PCDHB11: variants seen among roughly 807,000 people sequenced by gnomAD.
The protein encoded by PCDHB11 is protocadherin beta 11, also known as protocadherin beta-11.
For synonymous variants in PCDHB11, 522 were observed against 442.0 expected (o/e 1.18, Z -2.27); for missense variants, 1,151 against 1,003.4 (o/e 1.15, Z -1.99).
chr5:141,202,131 A>C lies in PCDHB11; in HGVS notation c.2357A>C (p.Asn786Thr). The C allele has an allele frequency of 6.2e-7, 1 of 1,607,770 alleles. No individual in the cohort carries two copies. The highest frequency in any genetic ancestry group is 1.3e-5 in the African/African-American group (1 of 74,266). ...GGTCTTGGGAAGAATAGTGAAGAAAACTCCACCTTTCGAAATAGCTTTGGA... is the reference window on the plus strand; with the variant it reads ...GGTCTTGGGAAGAATAGTGAAGAAACCTCCACCTTTCGAAATAGCTTTGGA... ...AKGLGKNSEE[N>T]STFRNSFGFN... Residue 786 changes from asparagine to threonine, a missense_variant, in exon 1 of 1, where the codon AAC becomes ACC. Asn to Thr is a moderately conservative substitution (Grantham distance 65). Coordinates refer to ENST00000354757, the MANE Select transcript of PCDHB11 (RefSeq NM_018931.3).
In PCDHB11 at chr5:141,201,120, C is replaced by G. The variant is rs782305634; in HGVS notation, c.1346C>G (p.Pro449Arg). Residue 449 changes from proline to arginine, a missense_variant, in exon 1 of 1, where the codon CCC becomes CGC. Transcript: ENST00000354757. The stretch of plus-strand genomic sequence containing the variant: ...GTCTCTGACGTCAATGACAACGCCC[C>G]CACCTTCACCCAAACCTCCTACACC... The part of the protein sequence containing the change: ...VLVSDVNDNA[P>R]TFTQTSYTLF... 1.0e-4 allele frequency: 165 copies of G among 1,613,946 alleles called. No homozygotes were observed. The highest frequency in any genetic ancestry group is 1.2e-4 in the Non-Finnish European group (146 of 1,180,056).
rs782541755 is a variant in PCDHB11 at position 141,201,419 on chromosome 5, G to T, written c.1645G>T (p.Val549Leu). 1.9e-5 allele frequency: 30 copies of T among 1,611,544 alleles called. No individual in the cohort carries two copies. In the East Asian group the frequency reaches 5.6e-4, roughly 30 times the overall value. The change falls in exon 1 of 1, where the codon GTG (valine) becomes TTG (leucine). Residue 549 changes from valine to leucine, a missense_variant. Transcript: ENST00000354757. The stretch of plus-strand genomic sequence containing the variant: ...TTTGAGCAGCGAGGCGCTGGTGCGC[G>T]TGCTGGTGCTGGACGCCAACGACAA... ...PALSSEALVR[V>L]LVLDANDNSP...
At position 141,202,695 on chromosome 5, in the gene PCDHB11, C is replaced by G. The variant is rs1754235356; in HGVS notation, c.*527C>G. ...TGGCAGGATCTCAGCTCACTGCAAC[C>G]TCTGCCTCCTGGGCTCAAGAGACCA... On this transcript the variant is annotated 3_prime_UTR_variant, in exon 1 of 1. Coordinates refer to ENST00000354757, the MANE Select transcript of PCDHB11 (RefSeq NM_018931.3). 1 of 152,204 alleles carries G rather than the reference C, an allele frequency of 6.6e-6. No homozygotes were observed. Among genetic ancestry groups the G allele is most frequent in the South Asian group, 2.1e-4 (1 of 4,828 alleles). 9.4% of individuals were successfully genotyped at this position (152,204 alleles called of 1,614,324 possible).
Position 141,201,257 on chromosome 5 carries a change from G to A in PCDHB11, c.1483G>A (p.Asp495Asn). Reference sequence around the variant, plus strand: ...CAACTACTCGCTACTCCCGCCCCAGGACCTGCACCTGCCCCTCGCCTCCCT... The same window carrying A: ...CAACTACTCGCTACTCCCGCCCCAGAACCTGCACCTGCCCCTCGCCTCCCT... The part of the protein sequence containing the change: ...QVNYSLLPPQ[D>N]LHLPLASLVS... The change falls in exon 1 of 1, where the codon GAC (aspartate) becomes AAC (asparagine). Residue 495 changes from aspartate (D) to asparagine (N), a missense_variant. By Grantham distance (23) the Asp-to-Asn change is conservative (BLOSUM62 1). Coordinates refer to ENST00000354757, the MANE Select transcript of PCDHB11 (RefSeq NM_018931.3). 1 of 1,613,384 alleles carries A rather than the reference G, an allele frequency of 6.2e-7. No individual in the cohort carries two copies.
rs782785451 is a variant in PCDHB11 at position 141,200,215 on chromosome 5, C to G, written c.441C>G (p.Pro147=). The G allele has an allele frequency of 1.2e-6, 2 of 1,614,050 alleles. No homozygotes were observed. The highest frequency in any genetic ancestry group is 2.7e-5 in the African/African-American group (2 of 74,918). ...TCCTAGAAATCCCAGAGAACAGTCCCGTTGGTGCTGTGTTCTTACTAGAAA... is the reference window on the plus strand; with the variant it reads ...TCCTAGAAATCCCAGAGAACAGTCCGGTTGGTGCTGTGTTCTTACTAGAAA... ...QMLLEIPENS[P]VGAVFLLESA... Residue 147 remains proline (P), a synonymous_variant, in exon 1 of 1, where the codon CCC becomes CCG. Coordinates refer to ENST00000354757, the MANE Select transcript of PCDHB11 (RefSeq NM_018931.3).
chr5:141,199,878 T>C lies in PCDHB11; in HGVS notation c.104T>C (p.Val35Ala), dbSNP rs1400355531. The C allele has an allele frequency of 1.2e-6, 2 of 1,614,010 alleles. No homozygotes were observed. Among genetic ancestry groups the C allele is most frequent in the Non-Finnish European group, 1.7e-6 (2 of 1,180,034 alleles). The change falls in exon 1 of 1, where the codon GTG (valine) becomes GCG (alanine). Residue 35 changes from valine (V) to alanine (A), a missense_variant. Physicochemically the swap from Val to Ala is moderately conservative, Grantham distance 64. Transcript: ENST00000354757. ...GGCTCTGAAACCTGGAGCTTTTCTG[T>C]GGCAGAAGAAATGCAGAGCGGGAGT... ...QAGSETWSFS[V>A]AEEMQSGSFV... is the part of the protein sequence containing the mutation.
chr5:141,200,818 T>A lies in PCDHB11; in HGVS notation c.1044T>A (p.Thr348=), dbSNP rs1554285389. The A allele has an allele frequency of 6.2e-7, 1 of 1,614,206 alleles. No individual in the cohort carries two copies. Among genetic ancestry groups the A allele is most frequent in the East Asian group, 2.2e-5 (1 of 44,886 alleles). ...IDVNDNAPEI[T]VSSITSPIPE... ...TAAATGACAATGCTCCTGAAATCACTGTGTCATCAATTACCAGTCCAATCC... is the reference window on the plus strand; with the variant it reads ...TAAATGACAATGCTCCTGAAATCACAGTGTCATCAATTACCAGTCCAATCC... Residue 348 remains threonine, a synonymous_variant, in exon 1 of 1, where the codon ACT becomes ACA. Transcript: ENST00000354757.
Position 141,199,804 on chromosome 5 carries a change from G to C in PCDHB11, c.30G>C (p.Gln10His), listed in dbSNP as rs1554285150. 1 of 1,614,244 alleles carries C rather than the reference G, an allele frequency of 6.2e-7. No homozygotes were observed. The highest frequency in any genetic ancestry group is 1.1e-5 in the South Asian group (1 of 91,088). Reference sequence around the variant, plus strand: ...AGAACCAAGGGACACGCACTCAGCAGATAAGGCAAGTCCTGCTTCTCTTTG... The same window carrying C: ...AGAACCAAGGGACACGCACTCAGCACATAAGGCAAGTCCTGCTTCTCTTTG... Reference protein sequence around the residue: MENQGTRTQQIRQVLLLFVL... With the variant: MENQGTRTQHIRQVLLLFVL... Residue 10 changes from glutamine to histidine, a missense_variant, in exon 1 of 1, where the codon CAG becomes CAC. By Grantham distance (24) the Gln-to-His change is conservative. Coordinates refer to ENST00000354757, the MANE Select transcript of PCDHB11 (RefSeq NM_018931.3).
chr5:141,201,824 G>A lies in PCDHB11; in HGVS notation c.2050G>A (p.Asp684Asn), dbSNP rs2149674791. 1.9e-6 allele frequency: 3 copies of A among 1,610,652 alleles called. No homozygotes were observed. The highest frequency in any genetic ancestry group is 1.7e-5 in the Admixed American group (1 of 60,024). ...GGCGGCACCGGCCCAGGCCCAGGCCGACTCGCTCACCGTCTACTTGGTGGT... is the reference window on the plus strand; with the variant it reads ...GGCGGCACCGGCCCAGGCCCAGGCCAACTCGCTCACCGTCTACTTGGTGGT... ...PEAAPAQAQA[D>N]SLTVYLVVAL... The change falls in exon 1 of 1, where the codon GAC (aspartate) becomes AAC (asparagine). Residue 684 changes from aspartate to asparagine, a missense_variant. Coordinates refer to ENST00000354757, the MANE Select transcript of PCDHB11 (RefSeq NM_018931.3).
In PCDHB11 at chr5:141,201,205, C is replaced by A. The variant is rs782510504; in HGVS notation, c.1431C>A (p.Asp477Glu). Residue 477 changes from aspartate to glutamate, a missense_variant, in exon 1 of 1, where the codon GAC becomes GAA. Coordinates refer to ENST00000354757, the MANE Select transcript of PCDHB11 (RefSeq NM_018931.3). The part of the protein sequence containing the change: ...ALHIGSVSAT[D>E]RDSGTNAQVN... Reference sequence around the variant, plus strand: ...ACATCGGCAGTGTCAGCGCTACAGACAGAGACTCAGGCACCAACGCCCAGG... The same window carrying A: ...ACATCGGCAGTGTCAGCGCTACAGAAAGAGACTCAGGCACCAACGCCCAGG... The A allele has an allele frequency of 6.2e-7, 1 of 1,613,258 alleles. No individual in the cohort carries two copies. Among genetic ancestry groups the A allele is most frequent in the Admixed American group, 1.7e-5 (1 of 60,020 alleles).
rs782429650 is a variant in PCDHB11, at chr5:141,202,036, T to C, written c.2262T>C (p.Cys754=). 4.3e-5 allele frequency: 70 copies of C among 1,614,078 alleles called. No homozygotes were observed. Among genetic ancestry groups the C allele is most frequent in the Non-Finnish European group, 5.1e-5 (60 of 1,180,038 alleles). ...TLSQSYQYEV[C]LTGGSETNEF... is the part of the protein sequence containing the mutation. Reference sequence around the variant, plus strand: ...CCCAGAGCTACCAGTACGAGGTGTGTCTGACGGGAGGTTCCGAGACAAATG... The same window carrying C: ...CCCAGAGCTACCAGTACGAGGTGTGCCTGACGGGAGGTTCCGAGACAAATG... Residue 754 remains cysteine (C), a synonymous_variant, in exon 1 of 1, where the codon TGT becomes TGC. Transcript: ENST00000354757.
rs1283505412 is a variant in PCDHB11 at position 141,200,883 on chromosome 5, T to A, written c.1109T>A (p.Ile370Asn). 6.2e-7 allele frequency: 1 copy of A among 1,614,066 alleles called. No individual in the cohort carries two copies. Among genetic ancestry groups the A allele is most frequent in the African/African-American group, 1.3e-5 (1 of 74,922 alleles). The change falls in exon 1 of 1, where the codon ATC (isoleucine) becomes AAC (asparagine). Residue 370 changes from isoleucine to asparagine, a missense_variant. Ile to Asn is a moderately radical substitution (Grantham distance 149, BLOSUM62 -3). Transcript: ENST00000354757. ...GAGACCGTGGTTATGGTTTTTAGTA[T>A]CCAAGATATAGACTCTGGGGACAAC... ...TPETVVMVFS[I>N]QDIDSGDNGR... is the part of the protein sequence containing the mutation.
At position 141,203,565 on chromosome 5, in the gene PCDHB11, C is replaced by T. The variant is rs563974344; in HGVS notation, c.*1397C>T. The T allele has an allele frequency of 6.6e-6, 1 of 152,222 alleles. No individual in the cohort carries two copies. The highest frequency in any genetic ancestry group is 1.5e-5 in the Non-Finnish European group (1 of 68,024). 9.4% of individuals were successfully genotyped at this position (152,222 alleles called of 1,614,324 possible). Reference sequence around the variant, plus strand: ...AGAGAAACATTTCATTATTAATGTGCTCATGGTAAATTAAATATTATTTTG... The same window carrying T: ...AGAGAAACATTTCATTATTAATGTGTTCATGGTAAATTAAATATTATTTTG... On this transcript the variant is annotated 3_prime_UTR_variant, in exon 1 of 1. Transcript: ENST00000354757.
In PCDHB11 at chr5:141,201,137, T is replaced by C; in HGVS notation, c.1363T>C (p.Ser455Pro). The C allele has an allele frequency of 6.2e-7, 1 of 1,613,616 alleles. No homozygotes were observed. Among genetic ancestry groups the C allele is most frequent in the Non-Finnish European group, 8.5e-7 (1 of 1,179,944 alleles). The change falls in exon 1 of 1, where the codon TCC becomes CCC. Residue 455 changes from serine (S) to proline (P), a missense_variant. Coordinates refer to ENST00000354757, the MANE Select transcript of PCDHB11 (RefSeq NM_018931.3). ...NDNAPTFTQT[S>P]YTLFVRENNS... ...CAACGCCCCCACCTTCACCCAAACCTCCTACACCCTGTTCGTCCGCGAGAA... is the reference window on the plus strand; with the variant it reads ...CAACGCCCCCACCTTCACCCAAACCCCCTACACCCTGTTCGTCCGCGAGAA...
At position 141,199,818 on chromosome 5, in the gene PCDHB11, T is replaced by C. The variant is rs782567929; in HGVS notation, c.44T>C (p.Leu15Pro). 103 of 1,614,106 alleles carry C rather than the reference T, an allele frequency of 6.4e-5. No individual in the cohort carries two copies. Among genetic ancestry groups the C allele is most frequent in the Non-Finnish European group, 8.1e-5 (96 of 1,180,056 alleles). ...CGCACTCAGCAGATAAGGCAAGTCC[T>C]GCTTCTCTTTGTTTTGCTCGGAATG... The part of the protein sequence containing the change: ...GTRTQQIRQV[L>P]LLFVLLGMSQ... The change falls in exon 1 of 1, where the codon CTG (leucine) becomes CCG (proline). Residue 15 changes from leucine (L) to proline (P), a missense_variant. Transcript: ENST00000354757.
Position 141,199,870 on chromosome 5 carries a change from C to G in PCDHB11, c.96C>G (p.Ser32Arg), listed in dbSNP as rs782749982. The G allele has an allele frequency of 9.9e-6, 16 of 1,614,022 alleles. No individual in the cohort carries two copies. The highest frequency in any genetic ancestry group is 1.4e-5 in the Non-Finnish European group (16 of 1,180,042). Residue 32 changes from serine (S) to arginine (R), a missense_variant, in exon 1 of 1, where the codon AGC becomes AGG. Physicochemically the swap from Ser to Arg is moderately radical, Grantham distance 110. Transcript: ENST00000354757. ...CTCAGGCGGGCTCTGAAACCTGGAGCTTTTCTGTGGCAGAAGAAATGCAGA... is the reference window on the plus strand; with the variant it reads ...CTCAGGCGGGCTCTGAAACCTGGAGGTTTTCTGTGGCAGAAGAAATGCAGA... ...GMSQAGSETWSFSVAEEMQSG... is the reference protein window; with the variant it reads ...GMSQAGSETWRFSVAEEMQSG...
At position 141,200,963 on chromosome 5, in the gene PCDHB11, G is replaced by T; in HGVS notation, c.1189G>T (p.Val397Phe). Residue 397 changes from valine to phenylalanine, a missense_variant, in exon 1 of 1, where the codon GTT (valine) becomes TTT (phenylalanine). By Grantham distance (50) the Val-to-Phe change is conservative. Transcript: ENST00000354757. ...CCTCCCATTCGTGCTAAAATCTTCAGTTGAGAATTACTACACGTTGGAAAC... is the reference window on the plus strand; with the variant it reads ...CCTCCCATTCGTGCTAAAATCTTCATTTGAGAATTACTACACGTTGGAAAC... ...EDLPFVLKSS[V>F]ENYYTLETER... 2 of 1,614,192 alleles carry T rather than the reference G, an allele frequency of 1.2e-6. No homozygotes were observed. The highest frequency in any genetic ancestry group is 1.7e-6 in the Non-Finnish European group (2 of 1,180,040).
At position 141,200,344 on chromosome 5, in the gene PCDHB11, A is replaced by G. The variant is rs1162116679; in HGVS notation, c.570A>G (p.Lys190=). The G allele has an allele frequency of 6.2e-7, 1 of 1,614,064 alleles. No homozygotes were observed. The highest frequency in any genetic ancestry group is 8.5e-7 in the Non-Finnish European group (1 of 1,180,034). The part of the protein sequence containing the change: ...IKMRVIPDNR[K]YPELVLDKAL... The stretch of plus-strand genomic sequence containing the variant: ...TGAGAGTCATTCCAGACAATAGGAA[A>G]TACCCCGAGTTAGTTCTGGACAAGG... Residue 190 remains lysine (K), a synonymous_variant, in exon 1 of 1, where the codon AAA becomes AAG. Coordinates refer to ENST00000354757, the MANE Select transcript of PCDHB11 (RefSeq NM_018931.3).
chr5:141,201,038 A>G lies in PCDHB11; in HGVS notation c.1264A>G (p.Thr422Ala), dbSNP rs146261536. ...ESTAEYNITI[T>A]VTDLGIPRLK... ...CACAGCCGAGTACAATATCACCATC[A>G]CCGTCACCGACTTGGGGATACCCAG... is the stretch of plus-strand genomic sequence containing the variant. The change falls in exon 1 of 1, where the codon ACC becomes GCC. Residue 422 changes from threonine to alanine, a missense_variant. By Grantham distance (58) the Thr-to-Ala change is moderately conservative. Transcript: ENST00000354757. 3.3e-4 allele frequency: 540 copies of G among 1,614,014 alleles called. No individual in the cohort carries two copies. Among genetic ancestry groups the G allele is most frequent in the Non-Finnish European group, 4.3e-4 (504 of 1,180,044 alleles).
Sources: allele counts gnomAD v4.1 joint callset, GRCh38; gene constraint gnomAD v4.1.1; transcripts MANE v1.5; gene names NCBI Gene and HGNC (gene_info 2026-07-23, HGNC 2026-07-21).